MYO16: variants seen among roughly 807,000 people sequenced by gnomAD.
MYO16 encodes the protein unconventional myosin-XVI.
Under a neutral mutation model 205.3 loss-of-function variants are expected in MYO16, and 94 were observed. The observed-to-expected ratio is 0.46, with a 90% CI of 0.39 to 0.54. The LOEUF is 0.54. MYO16 is among the 20% of genes least tolerant of loss of function. MYO16 has a pLI of 0.00. For synonymous variants in MYO16, 988 were observed against 954.0 expected (o/e 1.04, Z -0.66); for missense variants, 2,315 against 2,387.5 (o/e 0.97, Z 0.63).
At chr13:108,917,409 C>T (rs1881543836) in intron 16 of MYO16, among the ~76,000 whole-genome samples, 1 of 152,214 alleles carries the variant, frequency 6.6e-6, no homozygotes, top group Non-Finnish European at 1.5e-5. Context: ...CTGCATGGCA[C>T]TCCAACTACC....
rs1395376560 is a variant in MYO16 at position 109,100,992 on chromosome 13, T to C, written c.3438+105T>C. 1.6e-5 allele frequency: 15 copies of C among 933,406 alleles called. No individual in the cohort carries two copies. The East Asian group carries it at 4.0e-4, about 25-fold the overall frequency. 57.8% of individuals were successfully genotyped at this position (933,406 alleles called of 1,614,324 possible). ...ATCTTCCTGGCAAAAACAAATTCCT[T>C]TGATGTGTTTGGCAAGGCGTGACAT... On this transcript the variant is annotated intron_variant, in intron 28 of 34. Transcript: ENST00000457511.
chr13:108,554,868 A>G, the MYO16 span, among the ~76,000 whole-genome samples: 1 of 151,194 alleles, frequency 6.6e-6, no homozygotes, highest in East Asian at 1.9e-4. Context: ...AAAAAAAAAA[A>G]AAAAAGAAAG....
rs1220288512 is a variant in MYO16 at position 109,141,180 on chromosome 13, G to C, written c.4968G>C (p.Lys1656Asn). 3 of 1,608,834 alleles carry C rather than the reference G, an allele frequency of 1.9e-6. No homozygotes were observed. Among genetic ancestry groups the C allele is most frequent in the Non-Finnish European group, 2.5e-6 (3 of 1,177,646 alleles). The stretch of plus-strand genomic sequence containing the variant: ...CCGGGCCCTGCAGCTCCTTCCCCAA[G>C]ATCCCATATTCCCCCGTGAAGGCCA... Reference protein sequence around the residue: ...PVAGPCSSFPKIPYSPVKATR... With the variant: ...PVAGPCSSFPNIPYSPVKATR... The change falls in exon 32 of 35, where the codon AAG (lysine) becomes AAC (asparagine). Residue 1656 changes from lysine to asparagine, a missense_variant. Lys to Asn is a moderately conservative substitution (Grantham distance 94). Transcript: ENST00000457511. The surrounding 1 kb of genome is among the most constrained non-coding windows in gnomAD (Gnocchi z 4.1).
At chr13:108,573,286 T>C in the MYO16 span, among the ~76,000 whole-genome samples, 4,985 of 152,282 alleles carry the variant, frequency 0.033, 244 homozygotes, top group African/African-American at 0.11. Flanking sequence ...CGATTTTTCT[T>C]TTCTCACCTT....
chr13:108,697,128 C>G (rs1487089170), intron 2 of MYO16, among the ~76,000 whole-genome samples: 3 of 152,160 alleles, frequency 2.0e-5, no homozygotes, highest in African/African-American at 7.2e-5. Context: ...GTATCCTATA[C>G]TCAGTGTTGT....
chr13:108,905,928 C>T (rs1880950455), intron 15 of MYO16, among the ~76,000 whole-genome samples: 1 of 152,114 alleles, frequency 6.6e-6, no homozygotes, highest in South Asian at 2.1e-4. Context: ...ATTTGCTTGA[C>T]TCGAAGCTCT....
At position 109,055,242 on chromosome 13, in the gene MYO16, A is replaced by AAAATAC; in HGVS notation, c.3129+117_3129+118insAATACA. The AAAATAC allele has an allele frequency of 3.5e-6, 3 of 859,462 alleles. No individual in the cohort carries two copies. Among genetic ancestry groups the AAAATAC allele is most frequent in the South Asian group, 1.8e-5 (1 of 54,738 alleles). 53.2% of individuals were successfully genotyped at this position (859,462 alleles called of 1,614,324 possible). On this transcript the variant is annotated intron_variant, in intron 26 of 34. Coordinates refer to ENST00000457511, the MANE Select transcript of MYO16 (RefSeq NM_001198950.3). This position sits in a 1 kb window ranked among gnomAD's most constrained non-coding sequence, Gnocchi z 5.0. ...CTTAAATATCTTCACAAAAAAAGTA[A>AAAATAC]ACATACACACACACACACACACACA...
At chr13:109,174,993 G>A (rs184774446) in intron 33 of MYO16, among the ~76,000 whole-genome samples, 343 of 151,748 alleles carry the variant, frequency 2.3e-3, no homozygotes, top group Non-Finnish European at 3.4e-3. Context: ...CTCGTGATCT[G>A]CCCGCCTCAG....
intron 9 of MYO16, among the ~76,000 whole-genome samples, chr13:108,826,944 A>G (rs535461917): frequency 6.6e-6 from 1 of 152,146 alleles, no homozygotes; most frequent in Non-Finnish European, 1.5e-5. Flanking sequence ...GGGAATGTCA[A>G]ATGGTGAGGC....
Position 108,608,314 on chromosome 13 carries a change from T to C in MYO16, c.-39+12075T>C, listed in dbSNP as rs145868860. ...CCCCTGTAGCTATGTGGGTGTTTTC[T>C]TGGTTCCTCTGCTAATAATTTGCCA... On this transcript the variant is annotated intron_variant, in intron 1 of 24. Coordinates refer to the MYO16 transcript ENST00000251041. Among the ~76,000 whole-genome samples the C allele has an allele frequency of 1.8e-3, 267 of 152,300 alleles. 1 individual carries two copies. Among genetic ancestry groups the C allele is most frequent in the Middle Eastern group, 6.8e-3 (2 of 294 alleles).
intron 2 of MYO16, among the ~76,000 whole-genome samples, chr13:108,705,649 C>T (rs1883481120): frequency 6.6e-6 from 1 of 152,000 alleles, no homozygotes; most frequent in Non-Finnish European, 1.5e-5. Context: ...CAGTTTCAAG[C>T]ATACACTGGA....
At chr13:109,027,398 C>A (rs1227601924) in intron 23 of MYO16, among the ~76,000 whole-genome samples, 1 of 152,202 alleles carries the variant, frequency 6.6e-6, no homozygotes, top group Non-Finnish European at 1.5e-5. Context: ...ACTATACAAG[C>A]CACTACAGGC....
intron 20 of MYO16, among the ~76,000 whole-genome samples, chr13:108,987,905 A>G (rs538561304): frequency 6.6e-6 from 1 of 152,176 alleles, no homozygotes; most frequent in East Asian, 1.9e-4. Flanking sequence ...TCTCCACTCT[A>G]TATCTATCTA....
rs115396399 is a variant in MYO16 at position 108,930,246 on chromosome 13, A to G, written c.1925+20096A>G. ...GAAGTAAATATGGCTCAGTGTTGCTATTTTCACACTATTGGAGAATGACAT... is the reference window on the plus strand; with the variant it reads ...GAAGTAAATATGGCTCAGTGTTGCTGTTTTCACACTATTGGAGAATGACAT... On this transcript the variant is annotated intron_variant, in intron 16 of 34. Coordinates refer to ENST00000457511, the MANE Select transcript of MYO16 (RefSeq NM_001198950.3). 5.5e-3 allele frequency among the ~76,000 whole-genome samples: 835 copies of G among 152,272 alleles called. 12 individuals are homozygous for G. The highest frequency in any genetic ancestry group is 0.019 in the African/African-American group (803 of 41,558).
chr13:108,841,966 A>G (rs897997060), intron 9 of MYO16, among the ~76,000 whole-genome samples: 6 of 152,176 alleles, frequency 3.9e-5, no homozygotes, highest in Admixed American at 3.3e-4. Flanking sequence ...GCCAAGACCC[A>G]ATAGGGAAAA....
At chr13:109,074,919 C>T (rs781747230) in intron 27 of MYO16, among the ~76,000 whole-genome samples, 1 of 152,144 alleles carries the variant, frequency 6.6e-6, no homozygotes, top group African/African-American at 2.4e-5. Flanking sequence ...AACCATGTCA[C>T]CTCCTATAAA....
At chr13:108,931,508 G>A (rs1882252274) in intron 16 of MYO16, among the ~76,000 whole-genome samples, 1 of 152,020 alleles carries the variant, frequency 6.6e-6, no homozygotes, top group African/African-American at 2.4e-5. Context: ...GGCACAGGTA[G>A]TCCCCGCACC....
In MYO16 at chr13:108,837,903, G is replaced by A. The variant is rs74119630; in HGVS notation, c.1098-6440G>A. On this transcript the variant is annotated intron_variant, in intron 9 of 34. Transcript: ENST00000457511. The stretch of plus-strand genomic sequence containing the variant: ...ACTTCATAAACTATCTTCTTTGTTC[G>A]TAGCTTGACCAATCTACTCTTTTAT... Among the ~76,000 whole-genome samples the A allele has an allele frequency of 6.4e-3, 969 of 151,844 alleles. 9 individuals are homozygous for A. The highest frequency in any genetic ancestry group is 0.022 in the African/African-American group (912 of 41,358).
intron 28 of MYO16, among the ~76,000 whole-genome samples, chr13:109,110,776 G>T (rs1217864404): frequency 6.6e-6 from 1 of 152,160 alleles, no homozygotes; most frequent in Non-Finnish European, 1.5e-5. Flanking sequence ...GTCATTCTTA[G>T]AAATTTAACG....
Sources: allele counts gnomAD v4.1 joint callset (sites outside exome capture counted in the v4.1 genomes callset), GRCh38; gene constraint gnomAD v4.1.1; non-coding constraint Gnocchi (gnomAD v3.1); transcripts MANE v1.5; gene names NCBI Gene and HGNC (gene_info 2026-07-23, HGNC 2026-07-21).